Variants in ZFHX3 observed in about 807,000 individuals in gnomAD.
The protein encoded by ZFHX3 is zinc finger homeobox 3.
In ZFHX3, 42 loss-of-function variants were observed where a neutral mutation model predicts 279.1. The ratio of observed to expected loss-of-function variants is 0.15; its 90% confidence interval spans 0.12 to 0.19. ZFHX3 has a LOEUF of 0.19. Ranked by LOEUF, ZFHX3 falls within the 10% of genes least tolerant of loss-of-function variation. ZFHX3 has a pLI of 1.00. For missense variants in ZFHX3, 4,981 were observed against 4,754.0 expected, an observed-to-expected ratio of 1.05 and a Z score of -1.40; for synonymous variants, 2,293 against 1,957.8, an observed-to-expected ratio of 1.17 and a Z score of -4.52.
chr16:72,896,280 C>G (rs1481261816), intron 3 of ZFHX3, among the ~76,000 whole-genome samples: 6 of 152,152 alleles, frequency 3.9e-5, no homozygotes. Context: ...TAGGGCTACT[C>G]ATGTTTTAAA....
chr16:72,942,234 C>T (rs1356958342), intron 3 of ZFHX3, among the ~76,000 whole-genome samples: 1 of 152,218 alleles, frequency 6.6e-6, no homozygotes, highest in East Asian at 1.9e-4. Context: ...TTATGTGGCA[C>T]CTGCCATATT....
intron 2 of ZFHX3, among the ~76,000 whole-genome samples, chr16:73,575,779 A>G (rs1264826244): frequency 6.6e-6 from 1 of 152,072 alleles, no homozygotes; most frequent in Non-Finnish European, 1.5e-5. Flanking sequence ...CGGGGCTGTT[A>G]GGTTCAGCAG....
chr16:73,056,725 AT>A (rs1965564002), intron 1 of ZFHX3, among the ~76,000 whole-genome samples: 1 of 152,184 alleles, frequency 6.6e-6, no homozygotes, highest in African/African-American at 2.4e-5. Context: ...TATTGTAGAA[AT>A]TTACAGTAAA....
At position 73,832,914 on chromosome 16, in the gene ZFHX3, T is replaced by C. The variant is rs184727229; in HGVS notation, c.-1608+58737A>G. Among the ~76,000 whole-genome samples, 57 of 152,316 alleles carry C rather than the reference T, an allele frequency of 3.7e-4. No individual in the cohort carries two copies. In the Middle Eastern group the frequency reaches 0.01, roughly 27 times the overall value. On this transcript the variant is annotated intron_variant, in intron 1 of 17. Coordinates refer to the ZFHX3 transcript ENST00000641206. ...CAGAAATTTGGGGAGGATTTTGAAATCATGAGGCAGGCTATATGACAGTCA... is the reference window on the plus strand; with the variant it reads ...CAGAAATTTGGGGAGGATTTTGAAACCATGAGGCAGGCTATATGACAGTCA...
At chr16:73,360,332 G>A (rs139618398) in intron 3 of ZFHX3, among the ~76,000 whole-genome samples, 308 of 152,208 alleles carry the variant, frequency 2.0e-3, no homozygotes, top group Non-Finnish European at 3.1e-3. Context: ...GTTTTGTTTC[G>A]TTTTGTTTCT....
intron 2 of ZFHX3, among the ~76,000 whole-genome samples, chr16:73,471,498 T>C (rs4887805): frequency 0.31 from 46,828 of 151,904 alleles, 9,252 homozygotes; most frequent in Non-Finnish European, 0.45. Context: ...AACCTCCACC[T>C]CCCAGGTTCA....
intron 2 of ZFHX3, among the ~76,000 whole-genome samples, chr16:73,523,009 A>T (rs1230782012): frequency 6.6e-6 from 1 of 152,062 alleles, no homozygotes; most frequent in East Asian, 1.9e-4. Flanking sequence ...ATTACCTCCC[A>T]CTGGGTCCCT....
At chr16:73,650,995 G>A (rs908856535) in intron 2 of ZFHX3, among the ~76,000 whole-genome samples, 14 of 152,046 alleles carry the variant, frequency 9.2e-5, no homozygotes, top group South Asian at 4.1e-4. Flanking sequence ...AGACACTTAC[G>A]ATTATCAAGG....
intron 3 of ZFHX3, among the ~76,000 whole-genome samples, chr16:73,353,751 A>G (rs2016288564): frequency 6.6e-6 from 1 of 152,232 alleles, no homozygotes; most frequent in Admixed American, 6.5e-5. Flanking sequence ...CAGGAGAAAA[A>G]GAGGCAGGAG....
intron 1 of ZFHX3, among the ~76,000 whole-genome samples, chr16:73,812,317 C>T (rs1261052077): frequency 6.6e-6 from 1 of 152,204 alleles, no homozygotes; most frequent in Non-Finnish European, 1.5e-5. Context: ...TCTCTCTGCT[C>T]CTGATATCCT....
Position 73,272,254 on chromosome 16 carries a change from T to A in ZFHX3, c.-1193-15118A>T, listed in dbSNP as rs914494468. 5.9e-5 allele frequency among the ~76,000 whole-genome samples: 9 copies of A among 152,260 alleles called. No individual in the cohort carries two copies. In the East Asian group the frequency reaches 9.6e-4, roughly 16 times the overall value. ...AGTGACAGTAGGTTGCAGATTTTTT[T>A]AAATGACTTTACATTGCAAAATAAA... On this transcript the variant is annotated intron_variant, in intron 4 of 17. Transcript: ENST00000641206.
intron 1 of ZFHX3, among the ~76,000 whole-genome samples, chr16:73,722,223 T>C (rs1360489172): frequency 1.3e-5 from 2 of 152,186 alleles, no homozygotes; most frequent in Non-Finnish European, 2.9e-5. Flanking sequence ...GGACAATAAG[T>C]AGGCACTTCT....
intron 4 of ZFHX3, among the ~76,000 whole-genome samples, chr16:73,259,310 G>A (rs561495426): frequency 1.8e-3 from 267 of 152,306 alleles, no homozygotes; most frequent in Non-Finnish European, 3.0e-3. Flanking sequence ...CCAACACACT[G>A]TAAGATTATT....
chr16:73,025,564 T>C (rs1360608854), intron 1 of ZFHX3, among the ~76,000 whole-genome samples: 1 of 152,144 alleles, frequency 6.6e-6, no homozygotes, highest in Non-Finnish European at 1.5e-5. Context: ...AAAATACACT[T>C]TCCACTTGGA....
chr16:73,847,904 GTTT>G (rs60189791), intron 1 of ZFHX3, among the ~76,000 whole-genome samples: 1 of 80,054 alleles, frequency 1.2e-5, no homozygotes, highest in Non-Finnish European at 2.3e-5. Flanking sequence ...TGCCTGGCTA[GTTT>G]TTTTTTTTTT....
In ZFHX3 at chr16:72,958,485, G is replaced by T. The variant is rs1006215604; in HGVS notation, c.1661C>A (p.Ser554Tyr). The stretch of plus-strand genomic sequence containing the variant: ...ATCAAAGACAACAAAGGAAGAAGCA[G>T]AATTAGAACTAGTAGAAGCTGTGCC... ...SRGTASTSSNSASSFVVFDGA... is the reference protein window; with the variant it reads ...SRGTASTSSNYASSFVVFDGA... The change falls in exon 2 of 10, where the codon TCT becomes TAT. Residue 554 changes from serine (S) to tyrosine (Y), a missense_variant. By Grantham distance (144) the Ser-to-Tyr change is moderately radical (BLOSUM62 -2). Transcript: ENST00000268489. 1 of 1,613,986 alleles carries T rather than the reference G, an allele frequency of 6.2e-7. No individual in the cohort carries two copies. Among genetic ancestry groups the T allele is most frequent in the Non-Finnish European group, 8.5e-7 (1 of 1,180,058 alleles).
intron 4 of ZFHX3, among the ~76,000 whole-genome samples, chr16:73,282,045 A>G (rs1047178319): frequency 1.3e-5 from 2 of 152,246 alleles, no homozygotes; most frequent in African/African-American, 4.8e-5. Flanking sequence ...TTGCAATTCT[A>G]AAGAAAACTG....
chr16:73,093,209 G>C, intron 8 of ZFHX3: 1 of 519,856 alleles, frequency 1.9e-6, no homozygotes, highest in Non-Finnish European at 3.8e-6. Flanking sequence ...CGCGCATGCA[G>C]AGGTAAGGGA....
chr16:73,469,353 C>G (rs1247885530), intron 2 of ZFHX3, among the ~76,000 whole-genome samples: 2 of 152,100 alleles, frequency 1.3e-5, no homozygotes, highest in Non-Finnish European at 2.9e-5. Context: ...GAGCTGGGGG[C>G]TCTTGGAGGA....
Sources: gnomAD v4.1 joint callset for allele counts (sites outside exome capture counted in the v4.1 genomes callset) on GRCh38, gnomAD v4.1.1 for gene constraint, MANE v1.5 for transcripts, NCBI Gene and HGNC (gene_info 2026-07-23, HGNC 2026-07-21) for gene names.